Variants in SIPA1L1 observed in about 807,000 individuals in gnomAD.
The protein encoded by SIPA1L1 is signal induced proliferation associated 1 like 1.
A neutral mutation model predicts 162.7 loss-of-function variants in SIPA1L1; 26 were observed. That is an observed-to-expected ratio of 0.16 (90% CI 0.12 to 0.22). The LOEUF (loss-of-function observed/expected upper bound fraction) is 0.22. Among genes scored for constraint, SIPA1L1 ranks in the 10% least tolerant of loss-of-function variants. The pLI is 1.00. For synonymous variants in SIPA1L1, 829 were observed against 837.4 expected, an observed-to-expected ratio of 0.99 and a Z score of 0.17; for missense variants, 1,874 against 2,241.0, an observed-to-expected ratio of 0.84 and a Z score of 3.31.
chr14:71,726,420 A>G (rs565957919), intron 19 of SIPA1L1, among the ~76,000 whole-genome samples: 108 of 152,374 alleles, frequency 7.1e-4, no homozygotes, highest in African/African-American at 2.5e-3. Context: ...AAAGGGAAAT[A>G]AAACCTGCCC....
At chr14:71,466,642 T>C (rs1279612284) in intron 2 of SIPA1L1, among the ~76,000 whole-genome samples, 3 of 151,882 alleles carry the variant, frequency 2.0e-5, no homozygotes, top group Non-Finnish European at 4.4e-5. Flanking sequence ...CATAGCAGCG[T>C]TATATTTTTT....
At position 71,568,132 on chromosome 14, in the gene SIPA1L1, C is replaced by A. The variant is rs565754021; in HGVS notation, c.-302-19439C>A. On this transcript the variant is annotated intron_variant, in intron 4 of 23. Coordinates refer to ENST00000381232, the MANE Select transcript of SIPA1L1 (RefSeq NM_001386936.1). ...ATCTTGTGCTGACCTCCCATCTCAT[C>A]TTGTGACTTAGAATGCCTAACCTCC... Among the ~76,000 whole-genome samples, 6 of 152,242 alleles carry A rather than the reference C, an allele frequency of 3.9e-5. No individual in the cohort carries two copies. In the South Asian group the frequency reaches 1.2e-3, roughly 32 times the overall value.
chr14:71,622,802 C>T lies in SIPA1L1; in HGVS notation c.1630-1246C>T, dbSNP rs917193. Among the ~76,000 whole-genome samples the T allele has an allele frequency of 7.4e-3, 1,126 of 152,276 alleles. 6 individuals are homozygous for T. The highest frequency in any genetic ancestry group is 0.012 in the Non-Finnish European group (820 of 68,008). On this transcript the variant is annotated intron_variant, in intron 6 of 23. Coordinates refer to ENST00000381232, the MANE Select transcript of SIPA1L1 (RefSeq NM_001386936.1). ...AGTATACATCGTCCCCCTACGAACA[C>T]GTCCTGTGCTGACCTGTAGGAGCCC...
intron 2 of SIPA1L1, among the ~76,000 whole-genome samples, chr14:71,461,275 A>G (rs1012193835): frequency 6.8e-6 from 1 of 146,226 alleles, no homozygotes; most frequent in African/African-American, 2.4e-5. Flanking sequence ...TGGTCTCTGC[A>G]GCTGGCAAAT....
chr14:71,544,838 A>C (rs1204444272), intron 4 of SIPA1L1, among the ~76,000 whole-genome samples: 2 of 152,140 alleles, frequency 1.3e-5, no homozygotes, highest in African/African-American at 4.8e-5. Flanking sequence ...TGAATACTGT[A>C]GCTTTATAAA....
At chr14:71,466,210 A>G (rs1472014708) in intron 2 of SIPA1L1, among the ~76,000 whole-genome samples, 1 of 152,144 alleles carries the variant, frequency 6.6e-6, no homozygotes, top group African/African-American at 2.4e-5. Context: ...GCTACCACCA[A>G]AGAGAGCTCT....
intron 2 of SIPA1L1, among the ~76,000 whole-genome samples, chr14:71,473,737 G>A (rs1257336640): frequency 6.6e-6 from 1 of 152,146 alleles, no homozygotes; most frequent in South Asian, 2.1e-4. Flanking sequence ...GAAGGATTTG[G>A]GTGATGTGGT....
chr14:71,590,039 AAAAAAATATATATATAT>A (rs1298118409), intron 5 of SIPA1L1, among the ~76,000 whole-genome samples: 6 of 74,362 alleles, frequency 8.1e-5, no homozygotes, highest in Admixed American at 3.6e-4. Context: ...AAAAAAAAAA[AAAAAAATATATATATAT>A]ATATATATAT....
rs553296472 is a variant in SIPA1L1, at chr14:71,414,839, T to C, written c.-465+93658T>C. The stretch of plus-strand genomic sequence containing the variant: ...CTGGTATATGCATTACTATTGCTCT[T>C]CGAGTGACTGTACTGGCTTACTCAT... On this transcript the variant is annotated intron_variant, in intron 2 of 23. Transcript: ENST00000381232. Among the ~76,000 whole-genome samples the C allele has an allele frequency of 5.9e-5, 9 of 152,346 alleles. No individual in the cohort carries two copies. The East Asian group carries it at 1.5e-3, about 26-fold the overall frequency.
At chr14:71,399,083 A>T (rs981392315) in intron 2 of SIPA1L1, among the ~76,000 whole-genome samples, 1 of 152,210 alleles carries the variant, frequency 6.6e-6, no homozygotes, top group Non-Finnish European at 1.5e-5. Context: ...ATTTTTGAGA[A>T]TAAGGAAACA....
At chr14:71,425,517 G>C (rs1451820129) in intron 2 of SIPA1L1, among the ~76,000 whole-genome samples, 3 of 152,022 alleles carry the variant, frequency 2.0e-5, no homozygotes, top group African/African-American at 7.2e-5. Flanking sequence ...TTTGTGTTTT[G>C]TGGAAATAGT....
intron 13 of SIPA1L1, among the ~76,000 whole-genome samples, chr14:71,692,173 A>G (rs1198665126): frequency 4.6e-5 from 7 of 152,246 alleles, no homozygotes; most frequent in Non-Finnish European, 1.0e-4. Context: ...ATCTTGGAGA[A>G]AATAAACCAA....
At chr14:71,608,651 C>T (rs1316436051) in intron 5 of SIPA1L1, among the ~76,000 whole-genome samples, 1 of 152,178 alleles carries the variant, frequency 6.6e-6, no homozygotes, top group East Asian at 1.9e-4. Context: ...AGTCCCAGCA[C>T]TTTGGGAGGC....
chr14:71,432,814 C>A (rs1444312874), intron 2 of SIPA1L1, among the ~76,000 whole-genome samples: 1 of 152,186 alleles, frequency 6.6e-6, no homozygotes. Flanking sequence ...CTGAATAAAT[C>A]CTTTTCACAT....
At position 71,433,771 on chromosome 14, in the gene SIPA1L1, A is replaced by G. The variant is rs74634190; in HGVS notation, c.-464-78972A>G. Among the ~76,000 whole-genome samples, 172 of 152,328 alleles carry G rather than the reference A, an allele frequency of 1.1e-3. 1 individual carries two copies. Among genetic ancestry groups the G allele is most frequent in the Non-Finnish European group, 2.0e-3 (134 of 68,038 alleles). ...ATTGAAAAGGATTTTAATACCTTCCATGGAAAACATTCTTGAAAATCCAAG... is the reference window on the plus strand; with the variant it reads ...ATTGAAAAGGATTTTAATACCTTCCGTGGAAAACATTCTTGAAAATCCAAG... On this transcript the variant is annotated intron_variant, in intron 2 of 23. Coordinates refer to ENST00000381232, the MANE Select transcript of SIPA1L1 (RefSeq NM_001386936.1).
rs1401422319 is a variant in SIPA1L1 at position 71,624,098 on chromosome 14, C to T, written c.1680C>T (p.Ala560=). Residue 560 remains alanine, a synonymous_variant, in exon 7 of 24, where the codon GCC becomes GCT. Transcript: ENST00000381232. ...SVLEDAIPST[A]KHSTARGLPL... ...TGGAGGACGCCATTCCGTCGACAGC[C>T]AAGCACTCGACAGCCAGAGGCCTGC... The T allele has an allele frequency of 6.2e-7, 1 of 1,613,950 alleles. No individual in the cohort carries two copies. The highest frequency in any genetic ancestry group is 8.5e-7 in the Non-Finnish European group (1 of 1,179,884).
In SIPA1L1 at chr14:71,330,235, T is replaced by A; in HGVS notation, c.-465+9054T>A. On this transcript the variant is annotated intron_variant, in intron 2 of 23. Transcript: ENST00000381232. Reference sequence around the variant, plus strand: ...TTAGCTGTCTCCCCATCCTCCCAACTCCACTATTCCAGGGAGGGGCTGAAA... The same window carrying A: ...TTAGCTGTCTCCCCATCCTCCCAACACCACTATTCCAGGGAGGGGCTGAAA... 3 of 651,762 alleles carry A rather than the reference T, an allele frequency of 4.6e-6. No homozygotes were observed. The East Asian group carries it at 8.4e-5, about 18-fold the overall frequency. 40.4% of individuals were successfully genotyped at this position (651,762 alleles called of 1,614,324 possible).
intron 5 of SIPA1L1, among the ~76,000 whole-genome samples, chr14:71,594,478 A>G (rs2035795999): frequency 6.6e-6 from 1 of 152,162 alleles, no homozygotes; most frequent in African/African-American, 2.4e-5. Context: ...TAGGCTTGAG[A>G]AAAGTACCAT....
intron 12 of SIPA1L1, among the ~76,000 whole-genome samples, chr14:71,684,214 C>T (rs1260090375): frequency 2.0e-5 from 3 of 152,162 alleles, no homozygotes; most frequent in African/African-American, 7.2e-5. Context: ...TGGCACTTTC[C>T]AACAACAAAA....
Sources: gnomAD v4.1 joint callset for allele counts (sites outside exome capture counted in the v4.1 genomes callset) on GRCh38, gnomAD v4.1.1 for gene constraint, MANE v1.5 for transcripts, NCBI Gene and HGNC (gene_info 2026-07-23, HGNC 2026-07-21) for gene names.